SCOC: variants seen among roughly 807,000 people sequenced by gnomAD.
The protein encoded by SCOC is short coiled coil protein.
SCOC carries 7 observed loss-of-function variants against 9.9 expected under a neutral mutation model. The observed-to-expected ratio is 0.71, with a 90% CI of 0.40 to 1.33. The LOEUF is 1.33. SCOC is among the 40% of genes most tolerant of loss of function. SCOC has a pLI of 0.01. For missense variants in SCOC, 66 were observed against 89.7 expected (o/e 0.74, Z 1.07); for synonymous variants, 19 against 28.2 (o/e 0.67, Z 1.03).
intron 2 of SCOC, among the ~76,000 whole-genome samples, chr4:140,357,672 G>C (rs1233089442): frequency 6.6e-6 from 1 of 152,258 alleles, no homozygotes; most frequent in South Asian, 2.1e-4. Flanking sequence ...CTCAAAGCCA[G>C]GACTCACATT....
At chr4:140,315,324 G>C (rs562914082) in intron 1 of SCOC, among the ~76,000 whole-genome samples, 178 of 152,250 alleles carry the variant, frequency 1.2e-3, no homozygotes, top group Non-Finnish European at 2.2e-3. Flanking sequence ...TGATTCTTTA[G>C]GCTCTGCACT....
chr4:140,273,507 G>A (rs989221837), intron 1 of SCOC, among the ~76,000 whole-genome samples: 8 of 151,182 alleles, frequency 5.3e-5, no homozygotes, highest in Non-Finnish European at 1.2e-4. Flanking sequence ...AGCAGTGTGT[G>A]GGCCTCAACA....
At chr4:140,271,818 C>T (rs1189257581) in intron 1 of SCOC, among the ~76,000 whole-genome samples, 1 of 152,134 alleles carries the variant, frequency 6.6e-6, no homozygotes, top group East Asian at 1.9e-4. Context: ...GCTAATCAAA[C>T]AGGGTCTCTG....
rs76639505 is a variant in SCOC, at chr4:140,292,049, C to T, written c.-19+34639C>T. Among the ~76,000 whole-genome samples the T allele has an allele frequency of 5.3e-3, 807 of 152,222 alleles. 7 individuals carry two copies. Among genetic ancestry groups the T allele is most frequent in the African/African-American group, 0.018 (751 of 41,516 alleles). ...GACTGTTTATTGGAACGACCACCCT[C>T]TGCCTCCTGCTCCTCTGTTCCTGCC... On this transcript the variant is annotated intron_variant, in intron 1 of 4. Transcript: ENST00000394205.
chr4:140,364,108 T>TA (rs2126563312), intron 2 of SCOC, among the ~76,000 whole-genome samples: 1 of 152,198 alleles, frequency 6.6e-6, no homozygotes, highest in East Asian at 1.9e-4. Flanking sequence ...ATGAAAAACT[T>TA]ACACTTTTTG....
upstream of SCOC, among the ~76,000 whole-genome samples, chr4:140,370,025 G>A (rs1460889704): frequency 1.3e-5 from 2 of 151,864 alleles, no homozygotes; most frequent in Non-Finnish European, 2.9e-5. Flanking sequence ...CTGAAAATAA[G>A]CTGAAAGCTG....
At chr4:140,340,371 A>G (rs1726458483), upstream of SCOC, among the ~76,000 whole-genome samples, 1 of 152,110 alleles carries the variant, frequency 6.6e-6, no homozygotes. Flanking sequence ...TAATGGGTTC[A>G]GCACACCAAC....
intron 1 of SCOC, among the ~76,000 whole-genome samples, chr4:140,260,853 T>A (rs980437254): frequency 1.3e-5 from 2 of 152,344 alleles, no homozygotes; most frequent in Admixed American, 6.5e-5. Flanking sequence ...TATTTTTTTT[T>A]AATTTTAGTT....
intron 1 of SCOC, among the ~76,000 whole-genome samples, chr4:140,271,613 T>C (rs1017290553): frequency 6.6e-6 from 1 of 152,150 alleles, no homozygotes; most frequent in Non-Finnish European, 1.5e-5. Context: ...TCTTGTGAGA[T>C]AATATGTTAG....
At chr4:140,326,860 G>A (rs1172794374) in intron 1 of SCOC, among the ~76,000 whole-genome samples, 1 of 152,190 alleles carries the variant, frequency 6.6e-6, no homozygotes, top group Non-Finnish European at 1.5e-5. Flanking sequence ...ATTCATTGGT[G>A]AAACTCAATC....
At chr4:140,334,045 G>A (rs1449547885) in intron 1 of SCOC, among the ~76,000 whole-genome samples, 2 of 152,072 alleles carry the variant, frequency 1.3e-5, no homozygotes, top group Non-Finnish European at 2.9e-5. Context: ...AGCCTCCTGA[G>A]TAGCTGGGAC....
intron 1 of SCOC, among the ~76,000 whole-genome samples, chr4:140,285,879 G>A (rs891156816): frequency 2.0e-5 from 3 of 152,066 alleles, no homozygotes; most frequent in African/African-American, 4.8e-5. Flanking sequence ...TCTGCACCAC[G>A]GTGTTAGAAT....
At chr4:140,257,491 G>A (rs888855280) in intron 1 of SCOC, 2 of 152,180 alleles carry the variant, frequency 1.3e-5, no homozygotes, top group African/African-American at 4.8e-5. Context: ...TAAGGGGGAG[G>A]TTTGGGCCTA....
intron 1 of SCOC, among the ~76,000 whole-genome samples, chr4:140,310,359 A>AC (rs1456630015): frequency 6.6e-6 from 1 of 151,918 alleles, no homozygotes; most frequent in African/African-American, 2.4e-5. Flanking sequence ...CCTGGATAGC[A>AC]CTCTTCTTAG....
intron 1 of SCOC, among the ~76,000 whole-genome samples, chr4:140,376,968 C>T (rs944082337): frequency 6.6e-6 from 1 of 152,158 alleles, no homozygotes; most frequent in East Asian, 1.9e-4. Context: ...CATGAAAATT[C>T]GTTCTAGCTG....
At chr4:140,329,537 T>C (rs1732746568) in intron 1 of SCOC, among the ~76,000 whole-genome samples, 2 of 152,012 alleles carry the variant, frequency 1.3e-5, no homozygotes, top group South Asian at 4.1e-4. Flanking sequence ...GAGAAAATAT[T>C]CGCAAAAATA....
intron 1 of SCOC, among the ~76,000 whole-genome samples, chr4:140,317,949 T>G (rs1389659977): frequency 6.8e-6 from 1 of 146,322 alleles, no homozygotes; most frequent in African/African-American, 2.5e-5. Flanking sequence ...ATATGCGGTG[T>G]TTGGTTTTTT....
intron 1 of SCOC, among the ~76,000 whole-genome samples, chr4:140,317,750 A>G (rs1259201237): frequency 6.7e-6 from 1 of 149,932 alleles, no homozygotes; most frequent in Admixed American, 6.7e-5. Flanking sequence ...CACATTGTGC[A>G]GGTTAGTTAC....
At position 140,380,199 on chromosome 4, in the gene SCOC, T is replaced by C. The variant is rs984093717; in HGVS notation, c.106+547T>C. On this transcript the variant is annotated intron_variant, in intron 3 of 3. Transcript: ENST00000608372. ...TTAGCTTTCTTTTTCTTTTTCTTTT[T>C]TTTTTTTTTTTTTTTTGAGATGGAG... is the stretch of plus-strand genomic sequence containing the variant. Among the ~76,000 whole-genome samples, 277 of 139,136 alleles carry C rather than the reference T, an allele frequency of 2.0e-3. 2 individuals carry two copies. The highest frequency in any genetic ancestry group is 2.9e-3 in the Non-Finnish European group (185 of 63,642). The allele number at this position is 139,136 out of a possible 152,430, so 91.3% of individuals were successfully genotyped here.
Sources: gnomAD v4.1 joint callset for allele counts (sites outside exome capture counted in the v4.1 genomes callset) on GRCh38, gnomAD v4.1.1 for gene constraint, MANE v1.5 for transcripts, NCBI Gene and HGNC (gene_info 2026-07-23, HGNC 2026-07-21) for gene names.